The following ZNF316 variants were observed in gnomAD, a reference collection of about 807,000 sequenced individuals.
ZNF316 encodes the protein zinc finger protein 316.
ZNF316 carries 23 observed loss-of-function variants against 75.6 expected under a neutral mutation model. The ratio of observed to expected loss-of-function variants is 0.30; its 90% CI spans 0.22 to 0.43. ZNF316 has a LOEUF of 0.43. Ranked by LOEUF, ZNF316 falls within the 20% of genes least tolerant of loss-of-function variation. The probability of loss-of-function intolerance (pLI) is 1.00; values close to 1 mark genes in which losing one functional copy is unlikely to be tolerated. For synonymous variants in ZNF316, 827 were observed against 666.2 expected, an observed-to-expected ratio of 1.24 and a Z score of -3.72; for missense variants, 1,266 against 1,409.4, an observed-to-expected ratio of 0.90 and a Z score of 1.63.
chr7:6,647,400 A>T (rs1234425988), intron 8 of ZNF316, among the ~76,000 whole-genome samples: 2 of 152,136 alleles, frequency 1.3e-5, no homozygotes, highest in African/African-American at 4.8e-5. Context: ...TGCAGAAGAG[A>T]GTGCTGCTAA....
intron 8 of ZNF316, among the ~76,000 whole-genome samples, chr7:6,647,262 C>T (rs1256903356): frequency 6.6e-6 from 1 of 152,174 alleles, no homozygotes; most frequent in African/African-American, 2.4e-5. Context: ...CCCCTCCTTA[C>T]AGACCTGGCA....
intron 6 of ZNF316, 53 bp downstream of exon 6, chr7:6,643,126 G>T (rs9769100): frequency 1.6e-6 from 2 of 1,231,150 alleles, no homozygotes; most frequent in Non-Finnish European, 2.0e-6. Context: ...GGTTTCCCCC[G>T]GGGCCTCGGC....
Position 6,654,880 on chromosome 7 carries a change from G to T in ZNF316, c.*269G>T, listed in dbSNP as rs542126426. 3.6e-5 allele frequency: 9 copies of T among 248,022 alleles called. No individual in the cohort carries two copies. The highest frequency in any genetic ancestry group is 2.6e-3 in the Middle Eastern group (2 of 760). 15.4% of individuals were successfully genotyped at this position (248,022 alleles called of 1,614,324 possible). A position where few individuals can be genotyped will look rare whatever the true frequency, so the allele number is the denominator to read the frequency against. On this transcript the variant is annotated 3_prime_UTR_variant, in exon 9 of 9. Coordinates refer to ENST00000382252, the MANE Select transcript of ZNF316 (RefSeq NM_001278559.2). ...ACGGAGACTGCGATATCCCCTGGGT[G>T]GGCCCGGGCTGTGAAGCAGGGCGGT... is the stretch of plus-strand genomic sequence containing the variant.
chr7:6,649,374 C>T (rs1779465006), intron 8 of ZNF316, among the ~76,000 whole-genome samples: 1 of 152,174 alleles, frequency 6.6e-6, no homozygotes, highest in Non-Finnish European at 1.5e-5. Flanking sequence ...TGGTTCCTGC[C>T]CCAGTGCCCT....
Position 6,637,620 on chromosome 7 carries a change from C to T in ZNF316, c.-431+173C>T, listed in dbSNP as rs1779238053. Reference sequence around the variant, plus strand: ...GGGCCTGCAGAGTCGGAGCGGAACGCGGGTAGGGACTTCCGCGGCAGCGCC... The same window carrying T: ...GGGCCTGCAGAGTCGGAGCGGAACGTGGGTAGGGACTTCCGCGGCAGCGCC... On this transcript the variant is annotated intron_variant, in intron 1 of 8. Transcript: ENST00000382252. The surrounding 1 kb of genome is among the most constrained non-coding windows in gnomAD (Gnocchi z 6.2). Among the ~76,000 whole-genome samples, 1 of 149,832 alleles carries T rather than the reference C, an allele frequency of 6.7e-6. No individual in the cohort carries two copies. Among genetic ancestry groups the T allele is most frequent in the African/African-American group, 2.4e-5 (1 of 41,146 alleles).
Position 6,653,062 on chromosome 7 carries a change from A to C in ZNF316, c.1466A>C (p.Asp489Ala). 8 of 1,212,504 alleles carry C rather than the reference A, an allele frequency of 6.6e-6. No homozygotes were observed. Among genetic ancestry groups the C allele is most frequent in the Non-Finnish European group, 7.2e-6 (7 of 976,028 alleles). 75.1% of individuals were successfully genotyped at this position (1,212,504 alleles called of 1,614,324 possible). Residue 489 changes from aspartate to alanine, a missense_variant, in exon 9 of 9, where the codon GAC becomes GCC. Physicochemically the swap from Asp to Ala is moderately radical, Grantham distance 126. This residue lies in a region of ZNF316 where 961 missense variants were observed against 990.9 expected (regional missense o/e 0.97). Transcript: ENST00000382252. Reference protein sequence around the residue: ...HTADRPHCCPDCGQAFRLRAD... With the variant: ...HTADRPHCCPACGQAFRLRAD... ...GCCGACCGCCCGCACTGCTGTCCCG[A>C]CTGCGGCCAGGCCTTCCGCCTGCGC...
chr7:6,652,778 G>C lies in ZNF316; in HGVS notation c.1182G>C (p.Thr394=), dbSNP rs1022770828. Residue 394 remains threonine, a synonymous_variant, in exon 9 of 9, where the codon ACG becomes ACC. Transcript: ENST00000382252. The stretch of plus-strand genomic sequence containing the variant: ...CGCACTTGGCCATCCACCAGCGCAC[G>C]CACACCGGCGAGAAGCCCTTCCCGT... ...YRSHLAIHQR[T]HTGEKPFPCP... 8 of 1,272,534 alleles carry C rather than the reference G, an allele frequency of 6.3e-6. No individual in the cohort carries two copies. In the African/African-American group the frequency reaches 1.2e-4, roughly 20 times the overall value. 78.8% of individuals were successfully genotyped at this position (1,272,534 alleles called of 1,614,324 possible). A position where few individuals can be genotyped will look rare whatever the true frequency, so the allele number is the denominator to read the frequency against.
Position 6,642,676 on chromosome 7 carries a change from G to T in ZNF316, c.267G>T (p.Val89=). 8.1e-7 allele frequency: 1 copy of T among 1,236,490 alleles called. No individual in the cohort carries two copies. Among genetic ancestry groups the T allele is most frequent in the Non-Finnish European group, 1.0e-6 (1 of 991,064 alleles). The allele number at this position is 1,236,490 out of a possible 1,614,324, so 76.6% of individuals were successfully genotyped here. A position where few individuals can be genotyped will look rare whatever the true frequency, so the allele number is the denominator to read the frequency against. The part of the protein sequence containing the change: ...ADVEEEDVKE[V]LAEEECPALG... ...TGGAGGAGGAGGATGTGAAGGAGGT[G>T]CTGGCAGAGGAGGAGTGTCCGGCGT... is the stretch of plus-strand genomic sequence containing the variant. The change falls in exon 5 of 9, where the codon GTG becomes GTT. Residue 89 remains valine (V), a synonymous_variant. Coordinates refer to ENST00000382252, the MANE Select transcript of ZNF316 (RefSeq NM_001278559.2). The surrounding 1 kb of genome is among the most constrained non-coding windows in gnomAD (Gnocchi z 8.1).
At position 6,653,041 on chromosome 7, in the gene ZNF316, A is replaced by C. The variant is rs1779539924; in HGVS notation, c.1445A>C (p.Asp482Ala). Residue 482 changes from aspartate (D) to alanine (A), a missense_variant, in exon 9 of 9, where the codon GAC (aspartate) becomes GCC (alanine). Physicochemically the swap from Asp to Ala is moderately radical, Grantham distance 126. Around this residue, in one of 3 missense-constraint regions of ZNF316, gnomAD observed 961 missense variants for 990.9 expected, o/e 0.97. Coordinates refer to ENST00000382252, the MANE Select transcript of ZNF316 (RefSeq NM_001278559.2). ...LARHQAVHTA[D>A]RPHCCPDCGQ... is the part of the protein sequence containing the mutation. ...CGGCACCAGGCGGTGCACACGGCCG[A>C]CCGCCCGCACTGCTGTCCCGACTGC... is the stretch of plus-strand genomic sequence containing the variant. 5.7e-6 allele frequency: 7 copies of C among 1,219,072 alleles called. No homozygotes were observed. Among genetic ancestry groups the C allele is most frequent in the African/African-American group, 1.6e-5 (1 of 63,688 alleles). The allele number at this position is 1,219,072 out of a possible 1,614,324, so 75.5% of individuals were successfully genotyped here.
rs1404419626 is a variant in ZNF316 at position 6,640,538 on chromosome 7, A to T, written c.-166-1287A>T. 2.0e-5 allele frequency among the ~76,000 whole-genome samples: 3 copies of T among 152,082 alleles called. No individual in the cohort carries two copies. Among genetic ancestry groups the T allele is most frequent in the Non-Finnish European group, 4.4e-5 (3 of 68,008 alleles). ...GGGGATGGCCCAAGATTCAGGAGGGACCCACCCCCATGATCCAGTCACCTC... is the reference window on the plus strand; with the variant it reads ...GGGGATGGCCCAAGATTCAGGAGGGTCCCACCCCCATGATCCAGTCACCTC... On this transcript the variant is annotated intron_variant, in intron 3 of 8. Transcript: ENST00000382252. The surrounding 1 kb of genome is among the most constrained non-coding windows in gnomAD (Gnocchi z 5.1).
At chr7:6,644,881 T>TGAGCCAGGGCA (rs1227451922) in intron 8 of ZNF316, among the ~76,000 whole-genome samples, 13 of 152,240 alleles carry the variant, frequency 8.5e-5, no homozygotes, top group Non-Finnish European at 1.8e-4. Context: ...GGTGGTCGGC[T>TGAGCCAGGGCA]GAGCCAGGGC....
In ZNF316 at chr7:6,652,700, G is replaced by A. The variant is rs1035917273; in HGVS notation, c.1104G>A (p.Ala368=). Residue 368 remains alanine, a synonymous_variant, in exon 9 of 9, where the codon GCG becomes GCA. Transcript: ENST00000382252. ...SRLAKHQRYH[A]AVKPFGCEEC... ...TGGCCAAGCACCAGCGCTACCACGC[G>A]GCCGTCAAGCCCTTCGGCTGCGAGG... The A allele has an allele frequency of 3.4e-5, 42 of 1,235,606 alleles. No individual in the cohort carries two copies. The African/African-American group carries it at 5.4e-4, about 16-fold the overall frequency. The allele number at this position is 1,235,606 out of a possible 1,614,324, so 76.5% of individuals were successfully genotyped here.
intron 8 of ZNF316, among the ~76,000 whole-genome samples, chr7:6,648,659 C>T (rs1056558146): frequency 1.2e-4 from 18 of 152,326 alleles, no homozygotes; most frequent in African/African-American, 3.4e-4. Context: ...ATGGCCAGTG[C>T]GTCATAGGAG....
intron 8 of ZNF316, among the ~76,000 whole-genome samples, chr7:6,647,604 CAG>C (rs1257861350): frequency 6.6e-6 from 1 of 152,258 alleles, no homozygotes; most frequent in East Asian, 1.9e-4. Context: ...GGCCAGGCCC[CAG>C]TGGATGGGTT....
In ZNF316 at chr7:6,653,230, C is replaced by T; in HGVS notation, c.1634C>T (p.Ala545Val). ...PGPEGSEVGE[A>V]DGEAEAAAEE... ...CCAGAGGGATCTGAAGTTGGCGAGG[C>T]GGACGGAGAGGCGGAGGCCGCGGCC... The change falls in exon 9 of 9, where the codon GCG (alanine) becomes GTG (valine). Residue 545 changes from alanine to valine, a missense_variant. Ala to Val is a moderately conservative substitution (Grantham distance 64). Transcript: ENST00000382252. 2.4e-6 allele frequency: 3 copies of T among 1,224,868 alleles called. No homozygotes were observed. Among genetic ancestry groups the T allele is most frequent in the Admixed American group, 4.3e-5 (1 of 23,422 alleles). 75.9% of individuals were successfully genotyped at this position (1,224,868 alleles called of 1,614,324 possible).
intron 2 of ZNF316, among the ~76,000 whole-genome samples, chr7:6,638,367 G>A (rs1207116716): frequency 6.6e-6 from 1 of 152,186 alleles, no homozygotes; most frequent in Non-Finnish European, 1.5e-5. Flanking sequence ...AGTCCTTCAG[G>A]AGGGCATGAA....
rs1176202937 is a variant in ZNF316, at chr7:6,642,386, C to T, written c.-24C>T. 2.0e-5 allele frequency: 24 copies of T among 1,229,682 alleles called. No individual in the cohort carries two copies. Among genetic ancestry groups the T allele is most frequent in the Non-Finnish European group, 2.3e-5 (23 of 985,886 alleles). 76.2% of individuals were successfully genotyped at this position (1,229,682 alleles called of 1,614,324 possible). ...TGGCGTCCATCTGCATTTCAGGCCACGTGGAGGCTCGCTCCCAGGGAGGAT... is the reference window on the plus strand; with the variant it reads ...TGGCGTCCATCTGCATTTCAGGCCATGTGGAGGCTCGCTCCCAGGGAGGAT... On this transcript the variant is annotated 5_prime_UTR_variant, in exon 5 of 9. It adds an upstream start codon to the 5' untranslated region. Transcript: ENST00000382252. This position sits in a 1 kb window ranked among gnomAD's most constrained non-coding sequence, Gnocchi z 8.1.
rs1779528540 is a variant in ZNF316 at position 6,652,585 on chromosome 7, G to C, written c.989G>C (p.Trp330Ser). 8.1e-7 allele frequency: 1 copy of C among 1,230,732 alleles called. No individual in the cohort carries two copies. The highest frequency in any genetic ancestry group is 1.0e-6 in the Non-Finnish European group (1 of 987,226). 76.2% of individuals were successfully genotyped at this position (1,230,732 alleles called of 1,614,324 possible). Residue 330 changes from tryptophan to serine, a missense_variant, in exon 9 of 9, where the codon TGG becomes TCG. Around this residue, in one of 3 missense-constraint regions of ZNF316, gnomAD observed 961 missense variants for 990.9 expected, o/e 0.97. Coordinates refer to ENST00000382252, the MANE Select transcript of ZNF316 (RefSeq NM_001278559.2). ...REPGANLLSP[W>S]AFPAAVAPPA... ...CCGGGTGCGAACCTGCTGTCGCCCT[G>C]GGCGTTCCCCGCCGCAGTGGCCCCG...
chr7:6,644,279 G>A (rs2253770), intron 7 of ZNF316, among the ~76,000 whole-genome samples: 39,339 of 151,888 alleles, frequency 0.26, 5,812 homozygotes, highest in East Asian at 0.51. Context: ...GTGTTGGGGG[G>A]GCTTGGTGGG....
Sources: allele counts gnomAD v4.1 joint callset (sites outside exome capture counted in the v4.1 genomes callset), GRCh38; gene constraint gnomAD v4.1.1; regional missense constraint gnomAD v4.1.1; non-coding constraint Gnocchi (gnomAD v3.1); transcripts MANE v1.5; gene names NCBI Gene and HGNC (gene_info 2026-07-23, HGNC 2026-07-21).